The following C8orf34 variants were observed in gnomAD, a reference collection of about 807,000 sequenced individuals.
C8orf34 encodes uncharacterized protein C8orf34.
In C8orf34, 65 loss-of-function variants were observed where a neutral mutation model predicts 68.3. That is an observed-to-expected ratio of 0.95 (90% confidence interval 0.78 to 1.17). C8orf34 has a LOEUF of 1.17. Ranked by LOEUF, C8orf34 falls within the 50% of genes most tolerant of loss-of-function variation. The pLI is 0.00. For synonymous variants in C8orf34, 244 were observed against 241.2 expected, an observed-to-expected ratio of 1.01 and a Z score of -0.11; for missense variants, 664 against 655.4, an observed-to-expected ratio of 1.01 and a Z score of -0.14.
chr8:68,703,597 A>G (rs1205977098), intron 8 of C8orf34, among the ~76,000 whole-genome samples: 1 of 152,110 alleles, frequency 6.6e-6, no homozygotes, highest in Admixed American at 6.6e-5. Context: ...ATATATGTGC[A>G]ACTCAAATGC....
At chr8:68,571,663 A>C (rs2130270530) in intron 7 of C8orf34, among the ~76,000 whole-genome samples, 1 of 152,342 alleles carries the variant, frequency 6.6e-6, no homozygotes, top group South Asian at 2.1e-4. Flanking sequence ...CTTATAAACA[A>C]GTGGCACTTA....
chr8:68,749,344 A>G (rs1822626113), intron 10 of C8orf34, among the ~76,000 whole-genome samples: 1 of 152,202 alleles, frequency 6.6e-6, no homozygotes, highest in African/African-American at 2.4e-5. Flanking sequence ...ATATGTAACT[A>G]ACGTGCACAT....
chr8:68,437,824 A>G (rs965651841), intron 1 of C8orf34: 2 of 152,156 alleles, frequency 1.3e-5, no homozygotes, highest in African/African-American at 4.8e-5. Context: ...GTGTTCCATC[A>G]ACGCATTTTT....
chr8:68,336,797 G>C (rs146031083), intron 1 of C8orf34, among the ~76,000 whole-genome samples: 193 of 152,200 alleles, frequency 1.3e-3, no homozygotes, highest in African/African-American at 4.5e-3. Context: ...GCAAGGTTTG[G>C]AGTATCATAT....
chr8:68,574,170 AGCT>A lies in C8orf34; in HGVS notation c.1105+41025_1105+41027del, dbSNP rs547398512. Among the ~76,000 whole-genome samples the A allele has an allele frequency of 8.1e-4, 123 of 152,224 alleles. 1 individual carries two copies. The highest frequency in any genetic ancestry group is 2.8e-3 in the African/African-American group (118 of 41,574). On this transcript the variant is annotated intron_variant, in intron 7 of 13. Coordinates refer to ENST00000518698, the MANE Select transcript of C8orf34 (RefSeq NM_052958.4). ...TTTGACTCAATTTTTTAATAATATT[AGCT>A]GCTATTTCAACATCTGTATACATAT...
chr8:68,331,783 C>CTTT (rs552564162), intron 1 of C8orf34, among the ~76,000 whole-genome samples: 469 of 29,450 alleles, frequency 0.016, 105 homozygotes, highest in Middle Eastern at 0.028. Flanking sequence ...TTCTTTCCTT[C>CTTT]TTTTTTTTTT....
intron 7 of C8orf34, among the ~76,000 whole-genome samples, chr8:68,550,820 TCTTG>T (rs1020744041): frequency 2.0e-5 from 3 of 151,728 alleles, no homozygotes; most frequent in African/African-American, 4.8e-5. Context: ...CCTACTCTCT[TCTTG>T]CTTGCATCAT....
chr8:68,469,590 T>G (rs951088443), intron 4 of C8orf34, among the ~76,000 whole-genome samples: 6 of 152,076 alleles, frequency 3.9e-5, no homozygotes, highest in African/African-American at 1.2e-4. Context: ...ATGGTTTTAG[T>G]AGTGAGTTAA....
intron 1 of C8orf34, among the ~76,000 whole-genome samples, chr8:68,359,642 C>A (rs1191378129): frequency 6.6e-6 from 1 of 152,088 alleles, no homozygotes; most frequent in Non-Finnish European, 1.5e-5. Context: ...CACTCTATAC[C>A]CACCCCTCTC....
chr8:68,697,971 T>C (rs188329471), intron 8 of C8orf34, among the ~76,000 whole-genome samples: 1 of 152,034 alleles, frequency 6.6e-6, no homozygotes, highest in East Asian at 1.9e-4. Context: ...GAATCTCAGA[T>C]TTTTCCTGTC....
intron 7 of C8orf34, among the ~76,000 whole-genome samples, chr8:68,540,930 T>C (rs1171224536): frequency 6.6e-6 from 1 of 152,186 alleles, no homozygotes. Context: ...AAATTAATTA[T>C]ATGGAAGAGA....
At chr8:68,511,139 A>G (rs1814254984) in intron 5 of C8orf34, among the ~76,000 whole-genome samples, 1 of 152,234 alleles carries the variant, frequency 6.6e-6, no homozygotes, top group African/African-American at 2.4e-5. Context: ...GCAAACAACT[A>G]TATTGCTGTT....
intron 8 of C8orf34, among the ~76,000 whole-genome samples, chr8:68,659,522 A>C: frequency 6.6e-6 from 1 of 152,300 alleles, no homozygotes; most frequent in South Asian, 2.1e-4. Flanking sequence ...ATTTTATATC[A>C]TACTCACAAA....
At chr8:68,638,719 C>G (rs1425213653) in intron 7 of C8orf34, among the ~76,000 whole-genome samples, 1 of 151,754 alleles carries the variant, frequency 6.6e-6, no homozygotes, top group African/African-American at 2.4e-5. Flanking sequence ...TTTGATGACT[C>G]CCATGAAGTT....
intron 7 of C8orf34, among the ~76,000 whole-genome samples, chr8:68,554,835 C>T (rs536850178): frequency 1.8e-4 from 28 of 152,030 alleles, no homozygotes; most frequent in Non-Finnish European, 4.4e-5. Flanking sequence ...TGTATACACA[C>T]CCACATATCT....
intron 7 of C8orf34, chr8:68,625,408 A>G (rs951543165): frequency 5.0e-5 from 25 of 499,954 alleles, no homozygotes; most frequent in African/African-American, 4.7e-4. Flanking sequence ...GTGAGGTGAC[A>G]GAATGCTGCA....
intron 6 of C8orf34, chr8:68,530,524 G>T: frequency 1.6e-6 from 1 of 641,876 alleles, no homozygotes; most frequent in Non-Finnish European, 2.2e-6. Flanking sequence ...TGTTTTGATT[G>T]GTTTTGTTTA....
chr8:68,737,224 T>G (rs992691682), intron 10 of C8orf34, among the ~76,000 whole-genome samples: 2 of 152,070 alleles, frequency 1.3e-5, no homozygotes, highest in Admixed American at 1.3e-4. Flanking sequence ...TGAAGGAAAA[T>G]AAATTGCTCC....
At chr8:68,701,954 T>C (rs1355386091) in intron 8 of C8orf34, among the ~76,000 whole-genome samples, 1 of 152,046 alleles carries the variant, frequency 6.6e-6, no homozygotes, top group Non-Finnish European at 1.5e-5. Flanking sequence ...CAGATCACCT[T>C]CAGGGAAGGC....
Sources: gnomAD v4.1 joint callset for allele counts (sites outside exome capture counted in the v4.1 genomes callset) on GRCh38, gnomAD v4.1.1 for gene constraint, MANE v1.5 for transcripts, NCBI Gene and HGNC (gene_info 2026-07-23, HGNC 2026-07-21) for gene names.